TAFA5: variants seen among roughly 807,000 people sequenced by gnomAD.
TAFA5 encodes the protein chemokine-like protein TAFA-5.
In TAFA5, 6 loss-of-function variants were observed where a neutral mutation model predicts 15.3. The observed-to-expected ratio is 0.39, with a 90% confidence interval of 0.21 to 0.77. The LOEUF is 0.77. Among genes scored for constraint, TAFA5 ranks in the 30% least tolerant of loss-of-function variants. TAFA5 has a pLI of 0.41. For synonymous variants in TAFA5, 103 were observed against 80.7 expected (o/e 1.28, Z -1.48); for missense variants, 161 against 193.1 (o/e 0.83, Z 0.98).
At chr22:48,582,583 T>C (rs1270407742) in intron 1 of TAFA5, among the ~76,000 whole-genome samples, 38 of 68,794 alleles carry the variant, frequency 5.5e-4, no homozygotes, top group Middle Eastern at 0.014. Flanking sequence ...ATACGCCACA[T>C]ACCACACACA....
intron 1 of TAFA5, among the ~76,000 whole-genome samples, chr22:48,573,940 A>G (rs1923671999): frequency 1.3e-5 from 2 of 152,242 alleles, no homozygotes; most frequent in African/African-American, 4.8e-5. Context: ...ACATGTGATA[A>G]GCACCCAGAA....
intron 2 of TAFA5, among the ~76,000 whole-genome samples, chr22:48,666,412 C>T (rs1416161605): frequency 1.2e-5 from 1 of 80,076 alleles, no homozygotes; most frequent in Non-Finnish European, 2.6e-5. Context: ...CAGAGGGTGT[C>T]CACAGCTCCC....
chr22:48,699,180 G>A (rs1275615430), intron 2 of TAFA5, among the ~76,000 whole-genome samples: 1 of 152,040 alleles, frequency 6.6e-6, no homozygotes, highest in Admixed American at 6.6e-5. Context: ...TGATCGACTA[G>A]CCTGGGCCTC....
intron 3 of TAFA5, among the ~76,000 whole-genome samples, chr22:48,746,462 C>G (rs1185275514): frequency 6.6e-6 from 1 of 152,074 alleles, no homozygotes; most frequent in East Asian, 1.9e-4. Flanking sequence ...CCACTGCACT[C>G]CAGCCTGGGT....
At position 48,646,726 on chromosome 22, in the gene TAFA5, C is replaced by A; in HGVS notation, c.242C>A (p.Ala81Asp). The A allele has an allele frequency of 6.3e-7, 1 of 1,584,344 alleles. No homozygotes were observed. Among genetic ancestry groups the A allele is most frequent in the Non-Finnish European group, 8.6e-7 (1 of 1,168,802 alleles). Residue 81 changes from alanine to aspartate, a missense_variant, in exon 2 of 4, where the codon GCC becomes GAC. Physicochemically the swap from Ala to Asp is moderately radical, Grantham distance 126 (BLOSUM62 -2). Coordinates refer to ENST00000402357, the MANE Select transcript of TAFA5 (RefSeq NM_001082967.3). ...GGGCAGATCGCCGGCACCACGAGAG[C>A]CCGGCCCGCCTGTGTGGACGGTAAG... ...RKGQIAGTTR[A>D]RPACVDARII... is the part of the protein sequence containing the mutation.
intron 2 of TAFA5, among the ~76,000 whole-genome samples, chr22:48,679,307 G>T (rs1172562313): frequency 2.0e-5 from 1 of 49,460 alleles, no homozygotes. Context: ...CCCTCTCCGG[G>T]CTCCCCGTCC....
intron 1 of TAFA5, among the ~76,000 whole-genome samples, chr22:48,524,179 G>A (rs537485269): frequency 4.8e-4 from 73 of 152,278 alleles, no homozygotes; most frequent in African/African-American, 1.6e-3. Context: ...GCAGCCCACC[G>A]CTTCCAACGC....
In TAFA5 at chr22:48,598,031, C is replaced by T. The variant is rs1035899012; in HGVS notation, c.113-48566C>T. 6.6e-6 allele frequency among the ~76,000 whole-genome samples: 1 copy of T among 152,108 alleles called. No individual in the cohort carries two copies. Among genetic ancestry groups the T allele is most frequent in the South Asian group, 2.1e-4 (1 of 4,820 alleles). ...GGGACTTCGAGAGAGCGAGAGGGAG[C>T]GAGGTTTCCCTTTTTAAAAATAAGC... On this transcript the variant is annotated intron_variant, in intron 1 of 3. Transcript: ENST00000402357. The surrounding 1 kb of genome is among the most constrained non-coding windows in gnomAD (Gnocchi z 4.0).
intron 1 of TAFA5, among the ~76,000 whole-genome samples, chr22:48,491,873 A>C (rs1928165287): frequency 6.6e-6 from 1 of 152,196 alleles, no homozygotes; most frequent in Admixed American, 6.5e-5. Context: ...GCGTTCTGGA[A>C]ACAGCCTTTC....
chr22:48,587,332 C>A (rs1190852172), intron 1 of TAFA5, among the ~76,000 whole-genome samples: 1 of 152,218 alleles, frequency 6.6e-6, no homozygotes, highest in Non-Finnish European at 1.5e-5. Context: ...GGGACTTGCC[C>A]TTCTTTGCAG....
chr22:48,542,377 G>GGT (rs796950044), intron 1 of TAFA5, among the ~76,000 whole-genome samples: 2 of 130,006 alleles, frequency 1.5e-5, no homozygotes, highest in Non-Finnish European at 3.2e-5. Flanking sequence ...GCGGGTGTGT[G>GGT]GTGTGTGTGT....
intron 2 of TAFA5, among the ~76,000 whole-genome samples, chr22:48,685,715 G>T (rs1261396667): frequency 6.6e-6 from 1 of 151,868 alleles, no homozygotes; most frequent in African/African-American, 2.4e-5. Context: ...GGGGGTGTCT[G>T]TTCAGTTGGC....
At chr22:48,576,819 C>T (rs1049887998) in intron 1 of TAFA5, among the ~76,000 whole-genome samples, 9 of 151,768 alleles carry the variant, frequency 5.9e-5, no homozygotes, top group Non-Finnish European at 8.8e-5. Context: ...GCTGCGTTCT[C>T]GGTGCCTCTG....
At chr22:48,653,408 G>A (rs1927125889) in intron 2 of TAFA5, among the ~76,000 whole-genome samples, 1 of 152,200 alleles carries the variant, frequency 6.6e-6, no homozygotes, top group Non-Finnish European at 1.5e-5. Flanking sequence ...CAGCAGGTGG[G>A]CAGGGCAGGG....
At chr22:48,504,300 T>C (rs1028627118) in intron 1 of TAFA5, among the ~76,000 whole-genome samples, 6 of 152,172 alleles carry the variant, frequency 3.9e-5, no homozygotes, top group Admixed American at 3.9e-4. Context: ...GAGATTGGGA[T>C]AATTCTGTTT....
intron 3 of TAFA5, among the ~76,000 whole-genome samples, chr22:48,735,960 A>C (rs1930003745): frequency 7.5e-6 from 1 of 132,650 alleles, no homozygotes; most frequent in Non-Finnish European, 1.6e-5. Context: ...TCCAGAGTCC[A>C]TCCCCCCAGG....
At chr22:48,615,639 G>A (rs566162585) in intron 1 of TAFA5, among the ~76,000 whole-genome samples, 48 of 152,328 alleles carry the variant, frequency 3.2e-4, no homozygotes, top group Middle Eastern at 3.4e-3. Context: ...TCTGGCCCCT[G>A]TTCCACATGA....
intron 1 of TAFA5, among the ~76,000 whole-genome samples, chr22:48,549,827 G>A (rs989870013): frequency 1.4e-4 from 21 of 152,212 alleles, no homozygotes; most frequent in Non-Finnish European, 2.5e-4. Flanking sequence ...CCAGGTCTGA[G>A]GACTAAGTTC....
At chr22:48,744,721 C>T (rs1275730348) in intron 3 of TAFA5, among the ~76,000 whole-genome samples, 3 of 152,166 alleles carry the variant, frequency 2.0e-5, no homozygotes, top group Non-Finnish European at 4.4e-5. Context: ...TCTGTGCTTC[C>T]GCAGCCCTGG....
Sources: gnomAD v4.1 joint callset for allele counts (sites outside exome capture counted in the v4.1 genomes callset) on GRCh38, gnomAD v4.1.1 for gene constraint, Gnocchi (gnomAD v3.1) non-coding constraint, MANE v1.5 for transcripts, NCBI Gene and HGNC (gene_info 2026-07-23, HGNC 2026-07-21) for gene names.